Variants in NRG1 observed in about 807,000 individuals in gnomAD.
The protein encoded by NRG1 is pro-neuregulin-1, membrane-bound isoform.
A neutral mutation model predicts 63.8 loss-of-function variants in NRG1; 18 were observed. That is an observed-to-expected ratio of 0.28 (90% CI 0.19 to 0.42). NRG1 has a LOEUF of 0.42. Ranked by LOEUF, NRG1 falls within the 10% of genes least tolerant of loss-of-function variation. The pLI is 1.00. For missense variants in NRG1, 762 were observed against 814.7 expected (o/e 0.94, Z 0.79); for synonymous variants, 302 against 301.3 (o/e 1.00, Z -0.02).
chr8:32,216,425 G>C (rs1845232314), intron 1 of NRG1, among the ~76,000 whole-genome samples: 2 of 148,024 alleles, frequency 1.4e-5, no homozygotes, highest in African/African-American at 4.9e-5. Flanking sequence ...TATAATATAG[G>C]TTATATTATT....
intron 1 of NRG1, among the ~76,000 whole-genome samples, chr8:31,803,276 G>A (rs1403325929): frequency 6.6e-6 from 1 of 152,172 alleles, no homozygotes; most frequent in Non-Finnish European, 1.5e-5. Context: ...TGAGATGTCA[G>A]GGCTAGGCAA....
chr8:31,727,146 A>G (rs1345341386), intron 1 of NRG1, among the ~76,000 whole-genome samples: 2 of 152,162 alleles, frequency 1.3e-5, no homozygotes, highest in African/African-American at 2.4e-5. Context: ...ACATGAAGAG[A>G]TAAGTTCCCT....
chr8:32,181,591 A>G (rs974041341), intron 1 of NRG1, among the ~76,000 whole-genome samples: 3 of 152,234 alleles, frequency 2.0e-5, no homozygotes, highest in Non-Finnish European at 4.4e-5. Context: ...TACAAGGGGC[A>G]CAGTGTCCAA....
rs188440536 is a variant in NRG1 at position 31,715,513 on chromosome 8, T to C, written c.37+76082T>C. On this transcript the variant is annotated intron_variant, in intron 1 of 10. Coordinates refer to the NRG1 transcript ENST00000519301. ...TGTCTCTGAAACAATGTTAATATAA[T>C]TGAATCAAAGAAATAATTAAATGTA... Among the ~76,000 whole-genome samples the C allele has an allele frequency of 5.6e-3, 858 of 152,292 alleles. 24 individuals are homozygous for C. Among genetic ancestry groups the C allele is most frequent in the Admixed American group, 0.051 (785 of 15,288 alleles).
At chr8:32,166,959 C>G (rs1442497425) in intron 1 of NRG1, among the ~76,000 whole-genome samples, 2 of 152,140 alleles carry the variant, frequency 1.3e-5, no homozygotes, top group African/African-American at 4.8e-5. Flanking sequence ...TGGCTGGTTT[C>G]ATTGCAAGGC....
At chr8:32,224,710 T>G (rs1051620898) in intron 1 of NRG1, among the ~76,000 whole-genome samples, 2 of 152,150 alleles carry the variant, frequency 1.3e-5, no homozygotes, top group Admixed American at 6.6e-5. Context: ...TTGAACTAAT[T>G]TTACTGAAAG....
intron 1 of NRG1, among the ~76,000 whole-genome samples, chr8:31,835,965 T>C (rs1825656658): frequency 6.6e-6 from 1 of 152,134 alleles, no homozygotes; most frequent in African/African-American, 2.4e-5. Flanking sequence ...ATGTTTAAGT[T>C]TATTTAACCC....
chr8:32,345,819 G>A (rs1804813140), intron 1 of NRG1, among the ~76,000 whole-genome samples: 1 of 151,634 alleles, frequency 6.6e-6, no homozygotes, highest in Non-Finnish European at 1.5e-5. Flanking sequence ...TAAAAACCCT[G>A]CAGAGACGGC....
chr8:31,817,049 A>G (rs577755556), intron 1 of NRG1, among the ~76,000 whole-genome samples: 89 of 152,342 alleles, frequency 5.8e-4, no homozygotes, highest in African/African-American at 2.0e-3. Context: ...GTGACTAGTT[A>G]TAAGGTTATA....
intron 1 of NRG1, among the ~76,000 whole-genome samples, chr8:32,378,445 G>T (rs1196315241): frequency 6.6e-6 from 1 of 152,002 alleles, no homozygotes; most frequent in Non-Finnish European, 1.5e-5. Flanking sequence ...AATAATACAG[G>T]ATTAGGATAG....
intron 5 of NRG1, among the ~76,000 whole-genome samples, chr8:32,668,678 G>A (rs550868842): frequency 1.3e-5 from 2 of 151,824 alleles, no homozygotes; most frequent in Non-Finnish European, 2.9e-5. Context: ...TAGTTTCCAG[G>A]GTAAAACATT....
chr8:32,623,014 T>C (rs1431975623), intron 5 of NRG1, among the ~76,000 whole-genome samples: 1 of 152,228 alleles, frequency 6.6e-6, no homozygotes, highest in East Asian at 1.9e-4. Context: ...CAAAATATTA[T>C]ATATTCTCAG....
intron 1 of NRG1, among the ~76,000 whole-genome samples, chr8:31,679,216 C>G (rs758418505): frequency 6.6e-6 from 1 of 152,060 alleles, no homozygotes; most frequent in Non-Finnish European, 1.5e-5. Context: ...TTTGCTGCTA[C>G]ATTTGTTTTT....
At chr8:32,185,493 C>T (rs999905363) in intron 1 of NRG1, among the ~76,000 whole-genome samples, 7 of 152,058 alleles carry the variant, frequency 4.6e-5, no homozygotes, top group South Asian at 4.1e-4. Context: ...AATAAGGTTA[C>T]GATAGCACAA....
chr8:31,639,654 A>C (rs1232698731), intron 1 of NRG1: 1 of 1,389,760 alleles, frequency 7.2e-7, no homozygotes, highest in Admixed American at 3.2e-5. Flanking sequence ...CCCCGACAGC[A>C]GGGCTCGGGC....
intron 1 of NRG1, among the ~76,000 whole-genome samples, chr8:31,783,570 A>G (rs1819892900): frequency 2.0e-5 from 3 of 150,466 alleles, no homozygotes; most frequent in African/African-American, 2.4e-5. Context: ...AATGCCCTCA[A>G]AGGGGCCTTG....
intron 1 of NRG1, among the ~76,000 whole-genome samples, chr8:32,338,605 G>A (rs1192498154): frequency 2.0e-5 from 3 of 152,058 alleles, no homozygotes; most frequent in African/African-American, 7.2e-5. Context: ...CTGGTTTTAC[G>A]TGACTTTGGA....
At chr8:32,370,174 T>C (rs375184189) in intron 1 of NRG1, among the ~76,000 whole-genome samples, 7 of 152,336 alleles carry the variant, frequency 4.6e-5, no homozygotes, top group African/African-American at 1.4e-4. Context: ...GATTTGTTTT[T>C]TCCTAAGTAA....
intron 1 of NRG1, among the ~76,000 whole-genome samples, chr8:31,851,227 CT>C (rs1455655172): frequency 7.2e-5 from 11 of 152,130 alleles, no homozygotes; most frequent in Admixed American, 7.2e-4. Context: ...ATTTTCTTTT[CT>C]TCTTTTTAGT....
Sources: allele counts gnomAD v4.1 joint callset (sites outside exome capture counted in the v4.1 genomes callset), GRCh38; gene constraint gnomAD v4.1.1; transcripts MANE v1.5; gene names NCBI Gene and HGNC (gene_info 2026-07-23, HGNC 2026-07-21).